Variants in RIMS2 observed in about 807,000 individuals in gnomAD.
The protein encoded by RIMS2 is regulating synaptic membrane exocytosis 2.
In RIMS2, 59 loss-of-function variants were observed where a neutral mutation model predicts 174.4. That is an observed-to-expected ratio of 0.34 (90% confidence interval 0.27 to 0.42). The LOEUF is 0.42. RIMS2 is among the 10% of genes least tolerant of loss of function. The probability of loss-of-function intolerance (pLI) is 1.00; values close to 1 mark genes in which losing one functional copy is unlikely to be tolerated. For missense variants in RIMS2, 1,620 were observed against 1,666.3 expected (o/e 0.97, Z 0.48); for synonymous variants, 606 against 572.5 (o/e 1.06, Z -0.84).
intron 3 of RIMS2, among the ~76,000 whole-genome samples, chr8:103,833,785 T>C (rs2098840685): frequency 6.6e-6 from 1 of 152,148 alleles, no homozygotes; most frequent in Non-Finnish European, 1.5e-5. Context: ...AACATAGTTG[T>C]TATAGTGGCT....
intron 19 of RIMS2, among the ~76,000 whole-genome samples, chr8:104,077,674 G>A (rs1485291516): frequency 7.2e-6 from 1 of 138,362 alleles, no homozygotes; most frequent in Non-Finnish European, 1.6e-5. Flanking sequence ...ATACCCTAAA[G>A]CTCTGAACTC....
intron 1 of RIMS2, among the ~76,000 whole-genome samples, chr8:103,630,580 CAAAAA>C (rs61194218): frequency 1.1e-5 from 1 of 86,984 alleles, no homozygotes; most frequent in South Asian, 4.6e-4. Context: ...AACTCCATCT[CAAAAA>C]AAAAAAAAAA....
At chr8:103,630,580 C>CAAAAAAAAAA (rs61194218) in intron 1 of RIMS2, among the ~76,000 whole-genome samples, 6 of 86,984 alleles carry the variant, frequency 6.9e-5, no homozygotes, top group East Asian at 5.7e-4. Flanking sequence ...AACTCCATCT[C>CAAAAAAAAAA]AAAAAAAAAA....
intron 1 of RIMS2, among the ~76,000 whole-genome samples, chr8:103,602,404 T>A (rs775871451): frequency 3.3e-5 from 5 of 152,042 alleles, no homozygotes; most frequent in Non-Finnish European, 7.3e-5. Flanking sequence ...ATCACCTAGG[T>A]AATAAGCATA....
intron 1 of RIMS2, among the ~76,000 whole-genome samples, chr8:103,523,953 T>G (rs771955543): frequency 1.3e-5 from 2 of 152,164 alleles, no homozygotes; most frequent in Admixed American, 6.5e-5. Flanking sequence ...TTACTTGCCT[T>G]TAGTCTTCAA....
intron 1 of RIMS2, among the ~76,000 whole-genome samples, chr8:103,503,055 A>T (rs1821226902): frequency 6.6e-6 from 1 of 151,970 alleles, no homozygotes; most frequent in Non-Finnish European, 1.5e-5. Context: ...CATAGTTTAG[A>T]TAGAAACAAA....
intron 1 of RIMS2, among the ~76,000 whole-genome samples, chr8:103,649,522 T>C (rs1228518723): frequency 6.6e-6 from 1 of 152,174 alleles, no homozygotes; most frequent in Non-Finnish European, 1.5e-5. Context: ...CTGGATGATA[T>C]ACTTAAGTAT....
intron 7 of RIMS2, 101 bp downstream of exon 10, chr8:103,915,695 T>C: frequency 2.0e-6 from 1 of 507,490 alleles, no homozygotes; most frequent in Non-Finnish European, 3.4e-6. Context: ...AACAAAGAGC[T>C]CATTTAACTT....
intron 1 of RIMS2, among the ~76,000 whole-genome samples, chr8:103,562,429 C>T (rs1386229133): frequency 6.6e-6 from 1 of 152,202 alleles, no homozygotes; most frequent in Non-Finnish European, 1.5e-5. Flanking sequence ...AGTCATTAAA[C>T]CTTAAAGTTC....
chr8:103,646,566 C>T (rs556282897), intron 1 of RIMS2, among the ~76,000 whole-genome samples: 1 of 152,234 alleles, frequency 6.6e-6, no homozygotes, highest in Non-Finnish European at 1.5e-5. Flanking sequence ...CGACAGGCCT[C>T]AGTGTTTGTT....
chr8:103,716,216 A>T (rs2097366650), intron 2 of RIMS2, 93 bp from the exon 5 acceptor site: 1 of 151,236 alleles, frequency 6.6e-6, no homozygotes, highest in South Asian at 2.1e-4. Flanking sequence ...ACTTTTTAAA[A>T]CTCTTACTTG....
rs2098857088 is a variant in RIMS2 at position 104,174,359 on chromosome 8, G to A, written c.3335-70557G>A. 2.0e-5 allele frequency among the ~76,000 whole-genome samples: 3 copies of A among 152,098 alleles called. No individual in the cohort carries two copies. The South Asian group carries it at 6.2e-4, about 32-fold the overall frequency. On this transcript the variant is annotated intron_variant, in intron 19 of 23. Transcript: ENST00000504942. ...GGTTTCTTGACATATTTTGTTGTTGGGGTGGAGGTTAAATGGCAAGCTGAA... is the reference window on the plus strand; with the variant it reads ...GGTTTCTTGACATATTTTGTTGTTGAGGTGGAGGTTAAATGGCAAGCTGAA...
intron 19 of RIMS2, among the ~76,000 whole-genome samples, chr8:104,166,225 C>T (rs954801451): frequency 2.0e-5 from 3 of 151,700 alleles, no homozygotes; most frequent in African/African-American, 4.8e-5. Context: ...CGCCACCACG[C>T]CCGGCTAATT....
At chr8:103,713,191 G>T (rs186328975) in intron 2 of RIMS2, among the ~76,000 whole-genome samples, 4 of 152,072 alleles carry the variant, frequency 2.6e-5, no homozygotes, top group African/African-American at 9.7e-5. Flanking sequence ...GCTAATTTTT[G>T]TATATTTAGT....
At chr8:104,172,367 G>T (rs556019289) in intron 19 of RIMS2, among the ~76,000 whole-genome samples, 1 of 151,856 alleles carries the variant, frequency 6.6e-6, no homozygotes, top group Non-Finnish European at 1.5e-5. Flanking sequence ...CAACTGTAAA[G>T]AAACAAAAAA....
intron 2 of RIMS2, among the ~76,000 whole-genome samples, chr8:103,736,969 A>G (rs1325602239): frequency 2.0e-5 from 3 of 152,082 alleles, no homozygotes; most frequent in Middle Eastern, 3.2e-3. Flanking sequence ...GAGTGAGAGA[A>G]TAGAAGATGG....
chr8:104,161,591 G>A (rs765917458), intron 19 of RIMS2, among the ~76,000 whole-genome samples: 13 of 152,166 alleles, frequency 8.5e-5, no homozygotes, highest in Non-Finnish European at 1.5e-4. Context: ...TTAGATTAGA[G>A]TAGAAATGAT....
rs1471904547 is a variant in RIMS2, at chr8:103,949,141, A to AT, written c.2701+6215_2701+6216insT. ...GACTCTGTCAAAAAAAAAAAAAAAA[A>AT]AAAAAAGGGAAAGGGAAAGGGAAAG... On this transcript the variant is annotated intron_variant, in intron 14 of 23. Coordinates refer to ENST00000504942, the Ensembl canonical transcript of RIMS2. Among the ~76,000 whole-genome samples the AT allele has an allele frequency of 2.7e-3, 390 of 145,884 alleles. 3 individuals are homozygous for AT. Among genetic ancestry groups the AT allele is most frequent in the African/African-American group, 9.7e-3 (373 of 38,480 alleles).
intron 19 of RIMS2, among the ~76,000 whole-genome samples, chr8:104,118,298 C>T (rs2098312697): frequency 6.6e-6 from 1 of 151,752 alleles, no homozygotes; most frequent in South Asian, 2.1e-4. Context: ...AAGATTCTCC[C>T]AACTTCCAGT....
Sources: gnomAD v4.1 joint callset for allele counts (sites outside exome capture counted in the v4.1 genomes callset) on GRCh38, gnomAD v4.1.1 for gene constraint, MANE v1.5 for transcripts, NCBI Gene and HGNC (gene_info 2026-07-23, HGNC 2026-07-21) for gene names.